The following OSBPL5 variants were observed in gnomAD, a reference collection of about 807,000 sequenced individuals.
OSBPL5 encodes the protein oxysterol binding protein like 5, also known as oxysterol-binding protein-related protein 5.
A neutral mutation model predicts 111.2 loss-of-function variants in OSBPL5; 71 were observed. The ratio of observed to expected loss-of-function variants is 0.64; its 90% confidence interval spans 0.53 to 0.78. The LOEUF is 0.78. Ranked by LOEUF, OSBPL5 falls within the 30% of genes least tolerant of loss-of-function variation. The pLI, the probability that OSBPL5 is intolerant of heterozygous loss-of-function variation, is 0.00. For missense variants in OSBPL5, 1,210 were observed against 1,189.3 expected (o/e 1.02, Z -0.26); for synonymous variants, 549 against 513.9 (o/e 1.07, Z -0.93).
At chr11:3,091,965 G>A (rs1235922973) in intron 19 of OSBPL5, among the ~76,000 whole-genome samples, 1 of 152,118 alleles carries the variant, frequency 6.6e-6, no homozygotes, top group African/African-American at 2.4e-5. Flanking sequence ...CCTGGTGGCC[G>A]CCTAAGGCAT....
intron 20 of OSBPL5, 122 bp downstream of exon 20, chr11:3,090,436 G>A: frequency 2.2e-6 from 3 of 1,379,162 alleles, no homozygotes; most frequent in Non-Finnish European, 3.0e-6. Context: ...CAGCAGAGGA[G>A]CTTTTGCTGG....
In OSBPL5 at chr11:3,093,016, G is replaced by A. The variant is rs763914515; in HGVS notation, c.1983C>T (p.Gly661=). ...TCTCCTGTGTGGCCCTGTGCTGGTC[G>A]CCCTTGCTGATGGCCCTGGTGACGT... The part of the protein sequence containing the change: ...WQHVTRAISK[G]DQHRATQEKF... The change falls in exon 18 of 22, where the codon GGC becomes GGT. Residue 661 remains glycine (G), a synonymous_variant. Coordinates refer to ENST00000263650, the MANE Select transcript of OSBPL5 (RefSeq NM_020896.4). 97 of 1,600,908 alleles carry A rather than the reference G, an allele frequency of 6.1e-5. No homozygotes were observed. The South Asian group carries it at 6.3e-4, about 10-fold the overall frequency.
At position 3,093,069 on chromosome 11, in the gene OSBPL5, C is replaced by A; in HGVS notation, c.1947-17G>T. ...TGCCAGAGCCTGCGGGCCAGTGACC[C>A]ATCCTGAGCCAGTGGCCCGGGCAGC... On this transcript the variant is annotated splice_polypyrimidine_tract_variant and intron_variant, in intron 17 of 21. Transcript: ENST00000263650. The A allele has an allele frequency of 6.5e-7, 1 of 1,536,122 alleles. No individual in the cohort carries two copies. The highest frequency in any genetic ancestry group is 8.8e-7 in the Non-Finnish European group (1 of 1,141,388).
Position 3,121,878 on chromosome 11 carries a change from A to C in OSBPL5, c.402+119T>G. The stretch of plus-strand genomic sequence containing the variant: ...GGAAGGAGCAGAGGCTGCAGTGATA[A>C]CGGCTAGATGCAGGGAAGTGAATTT... On this transcript the variant is annotated intron_variant, in intron 5 of 21. Transcript: ENST00000263650. This position sits in a 1 kb window ranked among gnomAD's most constrained non-coding sequence, Gnocchi z 4.3. 1.2e-6 allele frequency: 1 copy of C among 848,498 alleles called. No homozygotes were observed. The allele number at this position is 848,498 out of a possible 1,614,324, so 52.6% of individuals were successfully genotyped here. A position where few individuals can be genotyped will look rare whatever the true frequency, so the allele number is the denominator to read the frequency against.
chr11:3,137,360 G>A (rs1845978528), intron 1 of OSBPL5, among the ~76,000 whole-genome samples: 1 of 152,240 alleles, frequency 6.6e-6, no homozygotes, highest in Admixed American at 6.5e-5. Flanking sequence ...GCCCTGGGGG[G>A]CTTGGGACAT....
At chr11:3,160,652 T>TC (rs1846932190) in intron 1 of OSBPL5, among the ~76,000 whole-genome samples, 1 of 146,154 alleles carries the variant, frequency 6.8e-6, no homozygotes, top group African/African-American at 2.6e-5. Context: ...ATCCCCAAAG[T>TC]CCCCTTTAAA....
intron 11 of OSBPL5, 124 bp downstream of exon 11, chr11:3,103,115 G>T (rs1010370233): frequency 1.3e-6 from 1 of 791,454 alleles, no homozygotes; most frequent in Non-Finnish European, 2.0e-6. Flanking sequence ...GGGGTGACCA[G>T]GATCCTTCTA....
Position 3,093,061 on chromosome 11 carries a change from CA to C in OSBPL5, c.1947-10del. On this transcript the variant is annotated splice_polypyrimidine_tract_variant and intron_variant, in intron 17 of 21. Coordinates refer to ENST00000263650, the MANE Select transcript of OSBPL5 (RefSeq NM_020896.4). ...TGACGTGCTGCCAGAGCCTGCGGGC[CA>C]GTGACCCATCCTGAGCCAGTGGCCC... 6.4e-7 allele frequency: 1 copy of C among 1,560,094 alleles called. No individual in the cohort carries two copies. Among genetic ancestry groups the C allele is most frequent in the Non-Finnish European group, 8.7e-7 (1 of 1,154,188 alleles).
intron 10 of OSBPL5, 37 bp from the exon 11 acceptor site, chr11:3,103,357 G>C (rs962321688): frequency 8.4e-6 from 13 of 1,555,678 alleles, no homozygotes; most frequent in Non-Finnish European, 1.0e-5. Context: ...CCCAGCTCCG[G>C]GGGCCGTGGG....
At chr11:3,111,412 T>C (rs1386154438) in intron 7 of OSBPL5, among the ~76,000 whole-genome samples, 3 of 152,010 alleles carry the variant, frequency 2.0e-5, no homozygotes, top group African/African-American at 4.8e-5. Flanking sequence ...GACCCATCCC[T>C]AGGGAAGTAA....
At chr11:3,157,416 C>T (rs1186614183) in intron 1 of OSBPL5, among the ~76,000 whole-genome samples, 1 of 152,198 alleles carries the variant, frequency 6.6e-6, no homozygotes, top group African/African-American at 2.4e-5. Context: ...CAAGAGGGGG[C>T]CTGGGCACCA....
chr11:3,120,279 T>A lies in OSBPL5; in HGVS notation c.606+142A>T, dbSNP rs995856271. 77 of 998,018 alleles carry A rather than the reference T, an allele frequency of 7.7e-5. 1 individual carries two copies. Among genetic ancestry groups the A allele is most frequent in the Non-Finnish European group, 1.1e-4 (76 of 684,638 alleles). The allele number at this position is 998,018 out of a possible 1,614,324, so 61.8% of individuals were successfully genotyped here. On this transcript the variant is annotated intron_variant, in intron 6 of 21. Coordinates refer to ENST00000263650, the MANE Select transcript of OSBPL5 (RefSeq NM_020896.4). ...CCATATCTGATCCCCTGGCCGCATG[T>A]GGGGCTCAGAGAAGGTGAGACACCT...
chr11:3,134,071 A>G (rs1845886617), intron 1 of OSBPL5, among the ~76,000 whole-genome samples: 1 of 152,122 alleles, frequency 6.6e-6, no homozygotes, highest in Non-Finnish European at 1.5e-5. Flanking sequence ...TGGAGCTCAG[A>G]AACAGGCAGG....
chr11:3,121,762 G>A lies in OSBPL5; in HGVS notation c.402+235C>T. The A allele has an allele frequency of 1.8e-6, 1 of 564,768 alleles. No homozygotes were observed. The highest frequency in any genetic ancestry group is 3.2e-6 in the Non-Finnish European group (1 of 316,032). The allele number at this position is 564,768 out of a possible 1,614,324, so 35.0% of individuals were successfully genotyped here. ...TTGCAGACATAATCAGGTGAAGATG[G>A]GGCTACACTGGAGTAAGGTGGCCCT... On this transcript the variant is annotated intron_variant, in intron 5 of 21. Coordinates refer to ENST00000263650, the MANE Select transcript of OSBPL5 (RefSeq NM_020896.4). This position sits in a 1 kb window ranked among gnomAD's most constrained non-coding sequence, Gnocchi z 4.3.
Position 3,121,897 on chromosome 11 carries a change from T to C in OSBPL5, c.402+100A>G. 9.5e-7 allele frequency: 1 copy of C among 1,057,694 alleles called. No individual in the cohort carries two copies. The highest frequency in any genetic ancestry group is 2.1e-5 in the Admixed American group (1 of 48,414). 65.5% of individuals were successfully genotyped at this position (1,057,694 alleles called of 1,614,324 possible). A position where few individuals can be genotyped will look rare whatever the true frequency, so the allele number is the denominator to read the frequency against. On this transcript the variant is annotated intron_variant, in intron 5 of 21. Transcript: ENST00000263650. The surrounding 1 kb of genome is among the most constrained non-coding windows in gnomAD (Gnocchi z 4.3). ...GTGATAACGGCTAGATGCAGGGAAG[T>C]GAATTTCCATCGTTTCAGGCCACCT...
chr11:3,139,706 C>CCT (rs1439099000), intron 1 of OSBPL5, among the ~76,000 whole-genome samples: 2 of 152,132 alleles, frequency 1.3e-5, no homozygotes, highest in Non-Finnish European at 2.9e-5. Flanking sequence ...AGCCTCCCCT[C>CCT]CTCTCTCTCT....
chr11:3,132,648 C>G (rs904110573), intron 1 of OSBPL5, among the ~76,000 whole-genome samples: 2 of 152,148 alleles, frequency 1.3e-5, no homozygotes, highest in Non-Finnish European at 2.9e-5. Context: ...TGCCCGCCCA[C>G]CATCTCCACA....
intron 6 of OSBPL5, chr11:3,119,934 G>T: frequency 2.2e-6 from 1 of 453,566 alleles, no homozygotes; most frequent in Non-Finnish European, 3.9e-6. Context: ...AATGATGTTC[G>T]AATCCCAGAG....
rs147670205 is a variant in OSBPL5 at position 3,107,345 on chromosome 11, C to A, written c.977G>T (p.Gly326Val). Reference protein sequence around the residue: ...TQDHSRKTESGSDQSETPGAP... With the variant: ...TQDHSRKTESVSDQSETPGAP... ...CCCAGGGGTCTCTGACTGGTCGCTGCCACTCTCCGTCTTCCGGCTATGGTC... is the reference window on the plus strand; with the variant it reads ...CCCAGGGGTCTCTGACTGGTCGCTGACACTCTCCGTCTTCCGGCTATGGTC... The change falls in exon 9 of 22, where the codon GGC (glycine) becomes GTC (valine). Residue 326 changes from glycine (G) to valine (V), a missense_variant. Physicochemically the swap from Gly to Val is moderately radical, Grantham distance 109 (BLOSUM62 -3). Transcript: ENST00000263650. The surrounding 1 kb of genome is among the most constrained non-coding windows in gnomAD (Gnocchi z 6.1). 75 of 1,614,042 alleles carry A rather than the reference C, an allele frequency of 4.6e-5. 1 individual carries two copies. Among genetic ancestry groups the A allele is most frequent in the Admixed American group, 4.2e-4 (25 of 60,030 alleles).
Sources: allele counts gnomAD v4.1 joint callset (sites outside exome capture counted in the v4.1 genomes callset), GRCh38; gene constraint gnomAD v4.1.1; non-coding constraint Gnocchi (gnomAD v3.1); transcripts MANE v1.5; gene names NCBI Gene and HGNC (gene_info 2026-07-23, HGNC 2026-07-21).